SHF: variants seen among roughly 807,000 people sequenced by gnomAD.
The protein encoded by SHF is Src homology 2 domain containing F.
A neutral mutation model predicts 42.4 loss-of-function variants in SHF; 30 were observed. The ratio of observed to expected loss-of-function variants is 0.71; its 90% CI spans 0.53 to 0.96. The LOEUF (loss-of-function observed/expected upper bound fraction) is 0.96. Ranked by LOEUF, SHF falls within the 40% of genes least tolerant of loss-of-function variation. The pLI, the probability that SHF is intolerant of heterozygous loss-of-function variation, is 0.00. For synonymous variants in SHF, 264 were observed against 269.9 expected (o/e 0.98, Z 0.21); for missense variants, 598 against 634.0 (o/e 0.94, Z 0.61).
intron 2 of SHF, chr15:45,198,621 T>C: frequency 1.1e-6 from 1 of 949,956 alleles, no homozygotes; most frequent in South Asian, 2.4e-5. Flanking sequence ...TGACTCGGAT[T>C]CGAACCGAGG....
intron 6 of SHF, chr15:45,171,571 T>C: frequency 2.5e-6 from 1 of 406,580 alleles, no homozygotes; most frequent in Non-Finnish European, 4.5e-6. Context: ...TTATTTCACC[T>C]AATCCTTCCC....
Position 45,170,166 on chromosome 15 carries a change from G to A in SHF, c.1280+1717C>T, listed in dbSNP as rs1483940734. On this transcript the variant is annotated intron_variant, in intron 6 of 6. Transcript: ENST00000690270. ...TGTACCAAACAATAATATGGCACTGGTGGAGCCCTGGAATACCATAGTTTG... is the reference window on the plus strand; with the variant it reads ...TGTACCAAACAATAATATGGCACTGATGGAGCCCTGGAATACCATAGTTTG... 9.9e-6 allele frequency: 3 copies of A among 303,518 alleles called. No homozygotes were observed. The East Asian group carries it at 2.9e-4, about 30-fold the overall frequency. 18.8% of individuals were successfully genotyped at this position (303,518 alleles called of 1,614,324 possible).
At chr15:45,200,750 G>A (rs1368361280) in exon 1 of SHF, 1 of 456,252 alleles carries the variant, frequency 2.2e-6, no homozygotes, top group Non-Finnish European at 4.4e-6. Flanking sequence ...GAAGTTGTAT[G>A]GTGGTGGGTC....
intron 1 of SHF, chr15:45,199,248 T>C: frequency 1.4e-6 from 1 of 734,852 alleles, no homozygotes; most frequent in Non-Finnish European, 2.1e-6. Context: ...CCTTCCGCAA[T>C]GCTTCCGCCG....
Position 45,187,846 on chromosome 15 carries a change from CCGCACCCCCGGCGCCCCGGCGG to C in SHF, c.84_105del (p.Arg29GlufsTer12). On this transcript the variant is annotated frameshift_variant, in exon 1 of 7. Coordinates refer to ENST00000690270, the MANE Select transcript of SHF (RefSeq NM_001394037.1). LOFTEE classifies it high-confidence loss of function. ...CTGCCGCCCCCTCCTGGGCCGGCTC[CCGCACCCCCGGCGCCCCGGCGG>C]GACCCCCCCGGGCCGCCCCCAGCGC... The C allele has an allele frequency of 9.5e-7, 1 of 1,050,266 alleles. No homozygotes were observed. The highest frequency in any genetic ancestry group is 1.2e-6 in the Non-Finnish European group (1 of 834,544). 65.1% of individuals were successfully genotyped at this position (1,050,266 alleles called of 1,614,324 possible). A position where few individuals can be genotyped will look rare whatever the true frequency, so the allele number is the denominator to read the frequency against.
intron 2 of SHF, among the ~76,000 whole-genome samples, chr15:45,197,150 G>T (rs1281205520): frequency 1.3e-5 from 2 of 151,382 alleles, no homozygotes; most frequent in African/African-American, 4.9e-5. Context: ...ACTTTGGGAG[G>T]TCAAGGTAGA....
At chr15:45,199,044 C>A (rs749342999) in exon 2 of SHF, 3 of 1,600,248 alleles carry the variant, frequency 1.9e-6, no homozygotes, top group Non-Finnish European at 2.6e-6. Context: ...CTACAGGGGG[C>A]GCTCCTCACG....
At chr15:45,184,301 C>A (rs1306042772) in intron 1 of SHF, among the ~76,000 whole-genome samples, 1 of 152,190 alleles carries the variant, frequency 6.6e-6, no homozygotes, top group Non-Finnish European at 1.5e-5. Flanking sequence ...TTACTCCTTT[C>A]CAAATCTGTG....
chr15:45,169,181 C>A (rs1392942026), intron 6 of SHF, among the ~76,000 whole-genome samples: 1 of 152,194 alleles, frequency 6.6e-6, no homozygotes, highest in African/African-American at 2.4e-5. Flanking sequence ...GAGGTCCACC[C>A]CCCGGAGAAG....
Position 45,173,744 on chromosome 15 carries a change from GAGAC to G in SHF, c.848-32_848-29del, listed in dbSNP as rs973160752. 4 of 1,550,878 alleles carry G rather than the reference GAGAC, an allele frequency of 2.6e-6. No homozygotes were observed. The African/African-American group carries it at 4.1e-5, about 16-fold the overall frequency. On this transcript the variant is annotated intron_variant, in intron 3 of 6. Coordinates refer to ENST00000690270, the MANE Select transcript of SHF (RefSeq NM_001394037.1). ...GGAGCCAGCAGCAGAAGTGAGAAGA[GAGAC>G]AGACAGTGACAGAGACAGAAAGAGG...
In SHF at chr15:45,187,754, G is replaced by T; in HGVS notation, c.198C>A (p.Gly66=). ...CGGGCTCGGGGGGCGCCGGCTTGCT[G>T]CCCCCTCCGCCGCCGCCCCCCCCGC... ...GFRGGGGGGG[G]SKPAPPEPDY... Residue 66 remains glycine, a synonymous_variant, in exon 1 of 7, where the codon GGC becomes GGA. Coordinates refer to ENST00000690270, the MANE Select transcript of SHF (RefSeq NM_001394037.1). 1 of 958,712 alleles carries T rather than the reference G, an allele frequency of 1.0e-6. No homozygotes were observed. Among genetic ancestry groups the T allele is most frequent in the Non-Finnish European group, 1.3e-6 (1 of 746,274 alleles). The allele number at this position is 958,712 out of a possible 1,614,324, so 59.4% of individuals were successfully genotyped here.
rs987298825 is a variant in SHF, at chr15:45,175,416, C to G, written c.650G>C (p.Gly217Ala). 5.1e-6 allele frequency: 8 copies of G among 1,581,600 alleles called. No homozygotes were observed. Among genetic ancestry groups the G allele is most frequent in the Non-Finnish European group, 6.9e-6 (8 of 1,163,532 alleles). ...GGGCTGAGTTGCTGTCTCCTTGGAG[C>G]CCCGGATCTCTGCCGGAGCAGGGCA... ...EAQKMMAEIR[G>A]SKETATQPLP... Residue 217 changes from glycine to alanine, a missense_variant, in exon 3 of 7, where the codon GGC becomes GCC. Gly to Ala is a moderately conservative substitution (Grantham distance 60, BLOSUM62 0). Transcript: ENST00000690270.
chr15:45,178,580 G>A (rs558763342), intron 1 of SHF, among the ~76,000 whole-genome samples: 13 of 148,836 alleles, frequency 8.7e-5, no homozygotes, highest in Admixed American at 4.7e-4. Context: ...TGTCACCCAG[G>A]CTGGAGTGCA....
chr15:45,196,039 T>G (rs1232877831), intron 2 of SHF, among the ~76,000 whole-genome samples: 1 of 152,214 alleles, frequency 6.6e-6, no homozygotes, highest in Non-Finnish European at 1.5e-5. Context: ...ATTGAATTAG[T>G]TGCCGATATT....
In SHF at chr15:45,198,996, C is replaced by G. The variant is rs1418330282; in HGVS notation, c.79G>C (p.Gly27Arg). The G allele has an allele frequency of 4.3e-6, 7 of 1,611,912 alleles. No homozygotes were observed. The highest frequency in any genetic ancestry group is 5.9e-6 in the Non-Finnish European group (7 of 1,178,990). The change falls in exon 2 of 8, where the codon GGG (glycine) becomes CGG (arginine). Residue 27 changes from glycine to arginine, a missense_variant. Physicochemically the swap from Gly to Arg is moderately radical, Grantham distance 125. Transcript: ENST00000290894. ...TTGGGGGATGCCCGTTTCCTATGCC[C>G]CGGAGACCCTTGCCGCGAACCCTCC...
chr15:45,198,717 C>T (rs956369112), intron 2 of SHF: 5 of 1,555,432 alleles, frequency 3.2e-6, no homozygotes, highest in African/African-American at 1.4e-5. Flanking sequence ...TCTGATTATC[C>T]TCTTCAACAG....
chr15:45,189,037 A>G (rs546111242), upstream of SHF, among the ~76,000 whole-genome samples: 2 of 151,834 alleles, frequency 1.3e-5, no homozygotes, highest in Non-Finnish European at 2.9e-5. Flanking sequence ...CCAAAAATAC[A>G]AAAAAATTAG....
At position 45,172,269 on chromosome 15, in the gene SHF, C is replaced by T. The variant is rs1390947418; in HGVS notation, c.1038G>A (p.Glu346=). Residue 346 remains glutamate, a synonymous_variant, in exon 5 of 7, where the codon GAG becomes GAA. Transcript: ENST00000690270. ...AGAGTCGGGGAGGTAGCCGCCCCTT[C>T]TCCTCCCGGCCAGGTGACAGGCAGC... ...EKSCLSPGRE[E]KGRLPPRLSA... 6.2e-7 allele frequency: 1 copy of T among 1,612,820 alleles called. No individual in the cohort carries two copies. The highest frequency in any genetic ancestry group is 1.3e-5 in the African/African-American group (1 of 75,030).
At chr15:45,173,363 AG>A in intron 4 of SHF, among the ~76,000 whole-genome samples, 1 of 152,318 alleles carries the variant, frequency 6.6e-6, no homozygotes, top group East Asian at 1.9e-4. Flanking sequence ...TAGCATGGTG[AG>A]GAACACATTA....
Sources: allele counts gnomAD v4.1 joint callset (sites outside exome capture counted in the v4.1 genomes callset), GRCh38; gene constraint gnomAD v4.1.1; transcripts MANE v1.5; gene names NCBI Gene and HGNC (gene_info 2026-07-23, HGNC 2026-07-21).